PDZD2: variants seen among roughly 807,000 people sequenced by gnomAD.
The protein encoded by PDZD2 is PDZ domain containing 2.
In PDZD2, 90 loss-of-function variants were observed where a neutral mutation model predicts 220.7. The observed-to-expected ratio is 0.41, with a 90% CI of 0.34 to 0.49. PDZD2 has a LOEUF of 0.49. PDZD2 is among the 20% of genes least tolerant of loss of function. The pLI, the probability that PDZD2 is intolerant of heterozygous loss-of-function variation, is 0.28. For synonymous variants in PDZD2, 1,375 were observed against 1,450.5 expected (o/e 0.95, Z 1.18); for missense variants, 3,174 against 3,608.5 (o/e 0.88, Z 3.08).
At chr5:31,670,292 G>A (rs1031981961) in intron 1 of PDZD2, among the ~76,000 whole-genome samples, 1 of 152,168 alleles carries the variant, frequency 6.6e-6, no homozygotes, top group Admixed American at 6.5e-5. Flanking sequence ...GGATTTTTCA[G>A]TCATATCAGG....
chr5:31,813,449 CAAA>C (rs60551914), intron 2 of PDZD2, among the ~76,000 whole-genome samples: 1,286 of 94,032 alleles, frequency 0.014, 5 homozygotes, highest in African/African-American at 0.05. Context: ...GACTCCGTCT[CAAA>C]AAAAAAAAAA....
intron 1 of PDZD2, among the ~76,000 whole-genome samples, chr5:31,685,707 A>G (rs1242581020): frequency 1.3e-5 from 2 of 151,974 alleles, no homozygotes; most frequent in Non-Finnish European, 2.9e-5. Flanking sequence ...TATTTTTTGT[A>G]AAAACGAGGT....
At chr5:32,037,527 T>C (rs1281084080) in intron 7 of PDZD2, among the ~76,000 whole-genome samples, 185 bp downstream of exon 7, 3 of 152,180 alleles carry the variant, frequency 2.0e-5, no homozygotes, top group Middle Eastern at 3.4e-3. Flanking sequence ...GTGAATTTCA[T>C]TTTTTTTGAG....
chr5:32,101,379 G>A (rs1036039380), intron 24 of PDZD2, 140 bp downstream of exon 24: 12 of 766,826 alleles, frequency 1.6e-5, no homozygotes, highest in African/African-American at 3.5e-5. Context: ...GGTTTATTCT[G>A]TATGGACATG....
intron 1 of PDZD2, among the ~76,000 whole-genome samples, chr5:31,644,123 G>A (rs370545583): frequency 4.1e-4 from 63 of 152,294 alleles, no homozygotes; most frequent in African/African-American, 1.4e-3. Flanking sequence ...ATTGAAGAAT[G>A]TTTTTTAAGG....
At chr5:32,031,973 C>T (rs1217556367) in intron 6 of PDZD2, among the ~76,000 whole-genome samples, 1 of 152,246 alleles carries the variant, frequency 6.6e-6, no homozygotes, top group African/African-American at 2.4e-5. Context: ...CATACACCTC[C>T]TGTGCTTATA....
intron 2 of PDZD2, among the ~76,000 whole-genome samples, chr5:31,816,147 G>T (rs920903911): frequency 6.6e-6 from 1 of 152,048 alleles, no homozygotes; most frequent in Non-Finnish European, 1.5e-5. Flanking sequence ...AATTAGCTGG[G>T]CATGGTGGCA....
intron 14 of PDZD2, among the ~76,000 whole-genome samples, chr5:32,062,505 C>T (rs1273929823): frequency 2.0e-5 from 3 of 151,840 alleles, no homozygotes; most frequent in African/African-American, 7.3e-5. Context: ...GCGATCCTCC[C>T]ACCTCAGCCT....
chr5:32,040,716 G>C (rs1756022992), intron 7 of PDZD2, among the ~76,000 whole-genome samples: 1 of 149,274 alleles, frequency 6.7e-6, no homozygotes, highest in South Asian at 2.1e-4. Context: ...CCCTGTCTAG[G>C]AAGTGAGAAG....
At chr5:31,837,962 A>C (rs923565183) in intron 2 of PDZD2, among the ~76,000 whole-genome samples, 1 of 152,242 alleles carries the variant, frequency 6.6e-6, no homozygotes, top group Non-Finnish European at 1.5e-5. Flanking sequence ...AAGAGCAAGA[A>C]AATGTATATA....
intron 2 of PDZD2, among the ~76,000 whole-genome samples, chr5:31,867,117 T>G (rs1738296504): frequency 6.6e-6 from 1 of 152,170 alleles, no homozygotes; most frequent in African/African-American, 2.4e-5. Flanking sequence ...TGCTTTCTGG[T>G]GCAACTAACC....
intron 1 of PDZD2, among the ~76,000 whole-genome samples, chr5:31,756,560 G>T (rs1414058286): frequency 6.6e-6 from 1 of 152,184 alleles, no homozygotes; most frequent in African/African-American, 2.4e-5. Flanking sequence ...AGTGCTTGGT[G>T]GATACCAGAC....
At chr5:32,045,346 T>A (rs1356766791) in intron 7 of PDZD2, among the ~76,000 whole-genome samples, 1 of 152,192 alleles carries the variant, frequency 6.6e-6, no homozygotes, top group Non-Finnish European at 1.5e-5. Context: ...TTCATACCCC[T>A]TTTTTGTCAG....
chr5:32,006,681 C>CTTTTTT (rs76703572), intron 5 of PDZD2, among the ~76,000 whole-genome samples: 2 of 116,676 alleles, frequency 1.7e-5, no homozygotes, highest in Non-Finnish European at 1.6e-5. Context: ...GGCTCAACAC[C>CTTTTTT]TTTTTTTTTT....
At chr5:31,671,519 A>C (rs1417268448) in intron 1 of PDZD2, among the ~76,000 whole-genome samples, 1 of 152,138 alleles carries the variant, frequency 6.6e-6, no homozygotes, top group Non-Finnish European at 1.5e-5. Flanking sequence ...ACAACCTCTA[A>C]GCCATTGTCC....
chr5:31,866,206 C>T (rs563154458), intron 2 of PDZD2, among the ~76,000 whole-genome samples: 13 of 151,814 alleles, frequency 8.6e-5, no homozygotes, highest in African/African-American at 3.1e-4. Flanking sequence ...GCCATGTTGT[C>T]CAGGCTTGTT....
At chr5:31,793,513 A>G (rs1055426329) in intron 1 of PDZD2, among the ~76,000 whole-genome samples, 2 of 152,154 alleles carry the variant, frequency 1.3e-5, no homozygotes, top group African/African-American at 4.8e-5. Context: ...TGCACTAGAA[A>G]AGCTTTATAA....
At chr5:32,060,874 A>G (rs1581399585) in intron 13 of PDZD2, 128 bp from the exon 14 acceptor site, 2 of 504,602 alleles carry the variant, frequency 4.0e-6, no homozygotes, top group Middle Eastern at 3.5e-4. Flanking sequence ...GCCAACGGGA[A>G]AAGATATGAG....
At chr5:31,647,106 C>T (rs1448397395) in intron 1 of PDZD2, among the ~76,000 whole-genome samples, 1 of 152,192 alleles carries the variant, frequency 6.6e-6, no homozygotes, top group Non-Finnish European at 1.5e-5. Context: ...GAGCACACTT[C>T]CCGCCTTCTG....
Sources: gnomAD v4.1 joint callset for allele counts (sites outside exome capture counted in the v4.1 genomes callset) on GRCh38, gnomAD v4.1.1 for gene constraint, MANE v1.5 for transcripts, NCBI Gene and HGNC (gene_info 2026-07-23, HGNC 2026-07-21) for gene names.